AHI1: variants seen among roughly 807,000 people sequenced by gnomAD.
AHI1 encodes jouberin.
In AHI1, 123 loss-of-function variants were observed where a neutral mutation model predicts 149.3. The observed-to-expected ratio is 0.82, with a 90% CI of 0.71 to 0.96. The LOEUF (loss-of-function observed/expected upper bound fraction) is 0.96, where lower values mean the gene tolerates loss of function less well. Ranked by LOEUF, AHI1 falls within the 40% of genes least tolerant of loss-of-function variation. AHI1 has a pLI of 0.00. For missense variants in AHI1, 1,439 were observed against 1,422.7 expected, an observed-to-expected ratio of 1.01 and a Z score of -0.18; for synonymous variants, 475 against 459.8, an observed-to-expected ratio of 1.03 and a Z score of -0.42.
intron 5 of AHI1, among the ~76,000 whole-genome samples, chr6:135,471,145 G>C (rs1043795406): frequency 4.6e-5 from 7 of 152,112 alleles, no homozygotes; most frequent in Non-Finnish European, 7.4e-5. Context: ...TCAAGAATTA[G>C]AAAGAGAAGA....
intron 27 of AHI1, among the ~76,000 whole-genome samples, chr6:135,298,226 T>G (rs1271356183): frequency 2.0e-5 from 3 of 151,496 alleles, no homozygotes; most frequent in Non-Finnish European, 4.4e-5. Flanking sequence ...ATACTTTTGT[T>G]AAATTAACCA....
chr6:135,304,476 C>T (rs937898812), intron 26 of AHI1, among the ~76,000 whole-genome samples: 4 of 152,100 alleles, frequency 2.6e-5, no homozygotes, highest in Non-Finnish European at 5.9e-5. Flanking sequence ...CATACTGTAA[C>T]AAAAAGTGAA....
intron 23 of AHI1, among the ~76,000 whole-genome samples, chr6:135,380,660 T>G (rs931249013): frequency 6.6e-6 from 1 of 151,240 alleles, no homozygotes; most frequent in African/African-American, 2.4e-5. Flanking sequence ...GGGTACTTAC[T>G]GAATGTATAA....
At chr6:135,438,053 G>A (rs1388127699) in intron 15 of AHI1, among the ~76,000 whole-genome samples, 1 of 152,020 alleles carries the variant, frequency 6.6e-6, no homozygotes, top group East Asian at 1.9e-4. Flanking sequence ...CTGCCACCAA[G>A]AGCTTATGCT....
chr6:135,294,928 C>T (rs554987035), intron 27 of AHI1, among the ~76,000 whole-genome samples: 15 of 151,980 alleles, frequency 9.9e-5, no homozygotes, highest in East Asian at 7.7e-4. Flanking sequence ...TTTTGGTAAA[C>T]GGAACTTCAA....
chr6:135,334,018 T>C (rs1311730895), intron 24 of AHI1, among the ~76,000 whole-genome samples: 1 of 152,226 alleles, frequency 6.6e-6, no homozygotes, highest in East Asian at 1.9e-4. Flanking sequence ...GAAAAGCCTC[T>C]TAGTAATATT....
chr6:135,325,159 T>C (rs990673407), intron 24 of AHI1, among the ~76,000 whole-genome samples: 4 of 152,036 alleles, frequency 2.6e-5, no homozygotes, highest in Non-Finnish European at 5.9e-5. Flanking sequence ...CCTGAGTAGT[T>C]GGGATTACAG....
At chr6:135,372,358 AAAAC>A (rs1182656864) in intron 23 of AHI1, among the ~76,000 whole-genome samples, 1 of 152,140 alleles carries the variant, frequency 6.6e-6, no homozygotes, top group Non-Finnish European at 1.5e-5. Context: ...AAATTAAACC[AAAAC>A]AAACAAAAAA....
intron 18 of AHI1, 132 bp from the exon 19 acceptor site, chr6:135,428,891 A>C: frequency 1.3e-6 from 1 of 744,508 alleles, no homozygotes; most frequent in Non-Finnish European, 2.1e-6. Context: ...TATGGGAGAC[A>C]TTCTATAATA....
In AHI1 at chr6:135,382,379, C is replaced by A. The variant is rs1371791463; in HGVS notation, c.3109+12397G>T. 2.6e-5 allele frequency among the ~76,000 whole-genome samples: 4 copies of A among 152,176 alleles called. No homozygotes were observed. The East Asian group carries it at 5.8e-4, about 22-fold the overall frequency. ...TAAAATTCTAGAAAATACAAATCAA[C>A]ATTATCTCTAAGTCTCTATCATTAC... On this transcript the variant is annotated intron_variant, in intron 23 of 28. Coordinates refer to ENST00000265602, the MANE Select transcript of AHI1 (RefSeq NM_001134831.2).
chr6:135,322,861 CTG>C (rs1204727345), intron 25 of AHI1, among the ~76,000 whole-genome samples: 3 of 152,170 alleles, frequency 2.0e-5, no homozygotes, highest in Non-Finnish European at 2.9e-5. Flanking sequence ...ACTGACAGAA[CTG>C]TGCATGAGGC....
At chr6:135,300,187 C>T (rs1055516471) in intron 27 of AHI1, among the ~76,000 whole-genome samples, 5 of 151,430 alleles carry the variant, frequency 3.3e-5, no homozygotes, top group African/African-American at 7.3e-5. Context: ...TAGCTGGGTG[C>T]GGAGGTGCGT....
chr6:135,455,724 C>G lies in AHI1; in HGVS notation c.1344+10G>C. ...ATCGTTTAATTTGAATTGGTCCATTCAATTCATACCTCAAAGAACAGGATG... is the reference window on the plus strand; with the variant it reads ...ATCGTTTAATTTGAATTGGTCCATTGAATTCATACCTCAAAGAACAGGATG... On this transcript the variant is annotated intron_variant, in intron 10 of 28. Coordinates refer to ENST00000265602, the MANE Select transcript of AHI1 (RefSeq NM_001134831.2). The G allele has an allele frequency of 1.3e-6, 2 of 1,550,840 alleles. No homozygotes were observed. Among genetic ancestry groups the G allele is most frequent in the Non-Finnish European group, 1.8e-6 (2 of 1,139,728 alleles).
At chr6:135,449,561 G>A (rs745515622) in intron 11 of AHI1, among the ~76,000 whole-genome samples, 11 of 152,084 alleles carry the variant, frequency 7.2e-5, no homozygotes, top group Non-Finnish European at 1.3e-4. Flanking sequence ...CTGAGTGCCC[G>A]GAAGGTATTT....
chr6:135,359,677 A>G (rs576678141), intron 23 of AHI1, among the ~76,000 whole-genome samples: 2 of 152,348 alleles, frequency 1.3e-5, no homozygotes, highest in East Asian at 3.9e-4. Context: ...CTTTCAAATG[A>G]GAGTGGTCAT....
intron 23 of AHI1, among the ~76,000 whole-genome samples, chr6:135,382,911 AAAAAAAAAAAAAAAAAT>A (rs1435941422): frequency 2.0e-5 from 2 of 102,356 alleles, no homozygotes; most frequent in Non-Finnish European, 4.0e-5. Flanking sequence ...AAAAAAAAAA[AAAAAAAAAAAAAAAAAT>A]ATATATATAT....
intron 2 of AHI1, 149 bp downstream of exon 2, chr6:135,497,039 T>C (rs1342516825): frequency 6.6e-6 from 1 of 152,244 alleles, no homozygotes; most frequent in Non-Finnish European, 1.5e-5. Context: ...AGCTTTATTT[T>C]CACAATAGAT....
chr6:135,343,635 GA>G lies in AHI1; in HGVS notation c.3165+14496del, dbSNP rs200714419. On this transcript the variant is annotated intron_variant, in intron 24 of 28. Transcript: ENST00000265602. ...ACAAGGGTGCCAAGACCATTAAAAG[GA>G]AAAAAAAAAAACACCAAAAAACAAA... Among the ~76,000 whole-genome samples the G allele has an allele frequency of 4.0e-3, 541 of 133,784 alleles. 1 individual carries two copies. The highest frequency in any genetic ancestry group is 0.02 in the South Asian group (82 of 4,168). 87.8% of individuals were successfully genotyped at this position (133,784 alleles called of 152,430 possible).
chr6:135,316,133 A>G (rs1343494879), intron 26 of AHI1, among the ~76,000 whole-genome samples: 1 of 152,136 alleles, frequency 6.6e-6, no homozygotes, highest in Non-Finnish European at 1.5e-5. Context: ...CTCTGCTTGG[A>G]GCAAGACTGA....
Sources: allele counts gnomAD v4.1 joint callset (sites outside exome capture counted in the v4.1 genomes callset), GRCh38; gene constraint gnomAD v4.1.1; transcripts MANE v1.5; gene names NCBI Gene and HGNC (gene_info 2026-07-23, HGNC 2026-07-21).